Variants in MLLT10 observed in about 807,000 individuals in gnomAD.
The protein encoded by MLLT10 is MLLT10 histone lysine methyltransferase DOT1L cofactor, also known as protein AF-10.
In MLLT10, 30 loss-of-function variants were observed where a neutral mutation model predicts 129.1. The observed-to-expected ratio is 0.23, with a 90% confidence interval of 0.17 to 0.32. The LOEUF is 0.32. MLLT10 is among the 10% of genes least tolerant of loss of function. The probability of loss-of-function intolerance (pLI) is 1.00; values close to 1 mark genes in which losing one functional copy is unlikely to be tolerated. For synonymous variants in MLLT10, 490 were observed against 446.4 expected (o/e 1.10, Z -1.23); for missense variants, 1,119 against 1,268.3 (o/e 0.88, Z 1.79).
intron 3 of MLLT10, among the ~76,000 whole-genome samples, chr10:21,580,581 G>A (rs757256274): frequency 3.8e-4 from 58 of 152,084 alleles, no homozygotes; most frequent in Admixed American, 9.2e-4. Context: ...TAGTAGAGAC[G>A]GGGTTTCACT....
chr10:21,688,882 GA>G (rs2053553567), intron 13 of MLLT10, among the ~76,000 whole-genome samples: 2 of 152,022 alleles, frequency 1.3e-5, no homozygotes, highest in Non-Finnish European at 2.9e-5. Context: ...AAGAATATGA[GA>G]ACATATTTCA....
chr10:21,539,224 A>C (rs1264872740), intron 3 of MLLT10, among the ~76,000 whole-genome samples: 2 of 152,174 alleles, frequency 1.3e-5, no homozygotes, highest in African/African-American at 2.4e-5. Flanking sequence ...TCATAGTTAA[A>C]ATATAATGGA....
At chr10:21,548,870 A>G (rs7075425) in intron 3 of MLLT10, among the ~76,000 whole-genome samples, 4,233 of 152,180 alleles carry the variant, frequency 0.028, 199 homozygotes, top group African/African-American at 0.096. Flanking sequence ...TTGAACATTT[A>G]AAACATACTT....
chr10:21,714,546 T>C (rs1200394706), intron 14 of MLLT10, among the ~76,000 whole-genome samples: 1 of 152,248 alleles, frequency 6.6e-6, no homozygotes, highest in Non-Finnish European at 1.5e-5. Context: ...TTTTTGTTTT[T>C]GTTTGAGACG....
intron 11 of MLLT10, among the ~76,000 whole-genome samples, chr10:21,680,698 G>A (rs1442042478): frequency 6.6e-6 from 1 of 152,056 alleles, no homozygotes; most frequent in East Asian, 1.9e-4. Context: ...TAGACCTAGC[G>A]TGGTGGCTCA....
At chr10:21,653,424 A>G (rs117576451) in intron 9 of MLLT10, among the ~76,000 whole-genome samples, 4,665 of 152,152 alleles carry the variant, frequency 0.031, 96 homozygotes, top group Non-Finnish European at 0.047. Flanking sequence ...TCCTTGTGCC[A>G]TTGTCAGATG....
intron 4 of MLLT10, among the ~76,000 whole-genome samples, chr10:21,591,448 T>C (rs1384787301): frequency 6.6e-6 from 1 of 152,236 alleles, no homozygotes; most frequent in Non-Finnish European, 1.5e-5. Context: ...AGAAGTCTTC[T>C]GCTGTTTGTT....
At chr10:21,645,216 A>G (rs2048365275) in intron 8 of MLLT10, among the ~76,000 whole-genome samples, 1 of 151,826 alleles carries the variant, frequency 6.6e-6, no homozygotes, top group African/African-American at 2.4e-5. Context: ...AATCTAGTTT[A>G]CTCCTTGACA....
chr10:21,726,389 T>C (rs1191839916), intron 15 of MLLT10, 34 bp downstream of exon 15: 6 of 1,406,394 alleles, frequency 4.3e-6, no homozygotes, highest in Non-Finnish European at 6.0e-6. Flanking sequence ...TCTAAAACCC[T>C]ACTCTCACCT....
At chr10:21,738,562 T>C in intron 21 of MLLT10, 6 of 1,268,428 alleles carry the variant, frequency 4.7e-6, no homozygotes, top group South Asian at 1.3e-5. Context: ...TTAACGTAGG[T>C]GAGGATTTTT....
chr10:21,655,934 G>T (rs1463750431), intron 9 of MLLT10, among the ~76,000 whole-genome samples: 2 of 152,186 alleles, frequency 1.3e-5, no homozygotes, highest in Admixed American at 1.3e-4. Flanking sequence ...AAGGAGGGGT[G>T]GCAGGTGTGG....
At chr10:21,624,630 G>A in intron 8 of MLLT10, 3 of 1,441,606 alleles carry the variant, frequency 2.1e-6, no homozygotes, top group Non-Finnish European at 2.8e-6. Context: ...TAAAATTCCT[G>A]GTTGTCATTA....
intron 2 of MLLT10, among the ~76,000 whole-genome samples, chr10:21,536,141 A>T (rs987393933): frequency 5.9e-5 from 9 of 152,180 alleles, no homozygotes; most frequent in Non-Finnish European, 1.3e-4. Context: ...GGGTTTCGCC[A>T]TGTTGGCCAG....
chr10:21,534,582 G>A, intron 1 of MLLT10, 62 bp downstream of exon 1: 1 of 1,534,920 alleles, frequency 6.5e-7, no homozygotes, highest in Non-Finnish European at 8.8e-7. Context: ...GGGGGGCTGT[G>A]TGGGGGGGAA....
intron 3 of MLLT10, chr10:21,551,768 TA>T (rs146959127): frequency 3.0e-4 from 118 of 395,868 alleles, no homozygotes; most frequent in African/African-American, 1.7e-3. Flanking sequence ...TTTTTTTTTT[TA>T]AATTAAGTCT....
At chr10:21,589,243 T>C (rs1466064904) in intron 4 of MLLT10, among the ~76,000 whole-genome samples, 3 of 152,140 alleles carry the variant, frequency 2.0e-5, no homozygotes, top group Admixed American at 1.3e-4. Flanking sequence ...GAGTTTCTGA[T>C]TTTAATTTTG....
Position 21,673,533 on chromosome 10 carries a change from A to G in MLLT10, c.1235A>G (p.Asn412Ser). ...TCTGGAAGCCAGGAAGGGGGGGTAA[A>G]TAGTTTTAGTACCTTAATTGGCCTC... Reference protein sequence around the residue: ...GESGSQEGGVNSFSTLIGLPS... With the variant: ...GESGSQEGGVSSFSTLIGLPS... The change falls in exon 11 of 23, where the codon AAT (asparagine) becomes AGT (serine). Residue 412 changes from asparagine (N) to serine (S), a missense_variant. Around this residue, in one of 5 missense-constraint regions of MLLT10, gnomAD observed 1,004 missense variants for 1,008.7 expected, o/e 1.00. Transcript: ENST00000307729. 1 of 1,613,600 alleles carries G rather than the reference A, an allele frequency of 6.2e-7. No homozygotes were observed.
At chr10:21,621,181 A>G (rs1589272050) in intron 8 of MLLT10, among the ~76,000 whole-genome samples, 2 of 119,896 alleles carry the variant, frequency 1.7e-5, no homozygotes, top group South Asian at 2.6e-4. Flanking sequence ...TTTTTAGTAG[A>G]GATGGGGTTT....
intron 2 of MLLT10, among the ~76,000 whole-genome samples, chr10:21,535,128 G>A (rs1208270224): frequency 6.7e-6 from 1 of 148,206 alleles, no homozygotes; most frequent in African/African-American, 2.4e-5. Flanking sequence ...GGGTGGGGGC[G>A]GGGGCGGGGG....
Sources: gnomAD v4.1 joint callset for allele counts (sites outside exome capture counted in the v4.1 genomes callset) on GRCh38, gnomAD v4.1.1 for gene constraint, gnomAD v4.1.1 regional missense constraint, MANE v1.5 for transcripts, NCBI Gene and HGNC (gene_info 2026-07-23, HGNC 2026-07-21) for gene names.